Variants in GSDMD observed in about 807,000 individuals in gnomAD.
GSDMD encodes gasdermin D.
A neutral mutation model predicts 46.7 loss-of-function variants in GSDMD; 46 were observed. That is an observed-to-expected ratio of 0.99 (90% CI 0.78 to 1.26). The LOEUF is 1.26. Ranked by LOEUF, GSDMD falls within the 50% of genes most tolerant of loss-of-function variation. The probability of loss-of-function intolerance (pLI) is 0.00; values close to 1 mark genes in which losing one functional copy is unlikely to be tolerated. For missense variants in GSDMD, 649 were observed against 638.8 expected (o/e 1.02, Z -0.17); for synonymous variants, 307 against 283.1 (o/e 1.08, Z -0.85).
Position 143,561,829 on chromosome 8 carries a change from G to T in GSDMD, c.823+1G>T, listed in dbSNP as rs769398161. ...AGGTGCCTCCACAACTTCCTGACAG[G>T]TCAGTGCCCTCCTGACCGCCCCGGG... On this transcript the variant is annotated splice_donor_variant, in intron 7 of 10. Transcript: ENST00000262580. LOFTEE classifies it high-confidence loss of function. 7 of 1,610,842 alleles carry T rather than the reference G, an allele frequency of 4.3e-6. No homozygotes were observed. The South Asian group carries it at 7.7e-5, about 18-fold the overall frequency.
At chr8:143,556,202 C>G (rs1004702912), upstream of GSDMD, among the ~76,000 whole-genome samples, 12 of 151,442 alleles carry the variant, frequency 7.9e-5, no homozygotes, top group Non-Finnish European at 1.5e-5. Flanking sequence ...AAAAGAGCAA[C>G]ACTCCGTCTC....
chr8:143,561,227 C>A, intron 5 of GSDMD, 123 bp downstream of exon 5: 1 of 1,220,920 alleles, frequency 8.2e-7, no homozygotes, highest in Non-Finnish European at 1.2e-6. Context: ...CTGTGTCTGG[C>A]AGGTGGCTGA....
upstream of GSDMD, among the ~76,000 whole-genome samples, chr8:143,554,581 G>A (rs373295420): frequency 2.3e-4 from 33 of 142,622 alleles, no homozygotes; most frequent in East Asian, 5.0e-3. Flanking sequence ...CACACAACAC[G>A]CACGTGCATA....
Position 143,561,809 on chromosome 8 carries a change from C to T in GSDMD, c.804C>T (p.Cys268=), listed in dbSNP as rs1823468749. Residue 268 remains cysteine, a synonymous_variant, in exon 7 of 11, where the codon TGC becomes TGT. Transcript: ENST00000262580. ...CCTCTGGCCTCTCCATGATGAGGTG[C>T]CTCCACAACTTCCTGACAGGTCAGT... ...QLPSGLSMMR[C]LHNFLTDGVP... is the part of the protein sequence containing the mutation. The T allele has an allele frequency of 4.3e-6, 7 of 1,610,894 alleles. No homozygotes were observed. Among genetic ancestry groups the T allele is most frequent in the Non-Finnish European group, 5.9e-6 (7 of 1,178,972 alleles).
At position 143,558,394 on chromosome 8, in the gene GSDMD, G is replaced by T. The variant is rs900568949; in HGVS notation, c.-62G>T. On this transcript the variant is annotated 5_prime_UTR_variant, in exon 1 of 11. Transcript: ENST00000262580. ...CACCTCCAGCTCCTGCTCGCCGGACGGCTCCCAGGGAGAGCAGACGCGCCA... is the reference window on the plus strand; with the variant it reads ...CACCTCCAGCTCCTGCTCGCCGGACTGCTCCCAGGGAGAGCAGACGCGCCA... 2 of 1,515,854 alleles carry T rather than the reference G, an allele frequency of 1.3e-6. No homozygotes were observed. Among genetic ancestry groups the T allele is most frequent in the South Asian group, 2.4e-5 (2 of 82,778 alleles). The allele number at this position is 1,515,854 out of a possible 1,614,324, so 93.9% of individuals were successfully genotyped here. A position where few individuals can be genotyped will look rare whatever the true frequency, so the allele number is the denominator to read the frequency against.
rs557830594 is a variant in GSDMD, at chr8:143,562,293, G to A, written c.1081G>A (p.Gly361Arg). 29 of 1,551,264 alleles carry A rather than the reference G, an allele frequency of 1.9e-5. No homozygotes were observed. Among genetic ancestry groups the A allele is most frequent in the Middle Eastern group, 3.4e-4 (2 of 5,950 alleles). Residue 361 changes from glycine to arginine, a missense_variant, in exon 9 of 11, where the codon GGA becomes AGA. Gly to Arg is a moderately radical substitution (Grantham distance 125). Transcript: ENST00000262580. ...CCTGGAGTGCCTGGTGTTGTCCTCC[G>A]GAATGCTGGTGCCGGAACTCGCTAT... ...AVLECLVLSSGMLVPELAIPV... is the reference protein window; with the variant it reads ...AVLECLVLSSRMLVPELAIPV...
chr8:143,556,904 G>A (rs115188912), upstream of GSDMD, among the ~76,000 whole-genome samples: 2,462 of 152,334 alleles, frequency 0.016, 63 homozygotes, highest in African/African-American at 0.055. Context: ...GCAATTCTGT[G>A]GGTCTTAGCA....
chr8:143,562,845 A>G lies in GSDMD; in HGVS notation c.1396A>G (p.Met466Val). ...CTGGGAGCCGCAGGCCCAGGGCCGC[A>G]TGTGTGCACTCTACGCCTCCCTGGC... ...VCWEPQAQGR[M>V]CALYASLALL... Residue 466 changes from methionine (M) to valine (V), a missense_variant, in exon 11 of 11, where the codon ATG (methionine) becomes GTG (valine). Met to Val is a conservative substitution (Grantham distance 21). Coordinates refer to ENST00000262580, the MANE Select transcript of GSDMD (RefSeq NM_024736.7). 1 of 1,612,302 alleles carries G rather than the reference A, an allele frequency of 6.2e-7. No homozygotes were observed. Among genetic ancestry groups the G allele is most frequent in the African/African-American group, 1.3e-5 (1 of 75,030 alleles).
chr8:143,556,189 C>T (rs59335432), upstream of GSDMD, among the ~76,000 whole-genome samples: 1 of 151,656 alleles, frequency 6.6e-6, no homozygotes. Context: ...CCAGTCTGGG[C>T]AAAAAAGAGC....
Position 143,560,505 on chromosome 8 carries a change from C to G in GSDMD, c.411-98C>G, listed in dbSNP as rs1385258182. The G allele has an allele frequency of 3.7e-6, 5 of 1,340,570 alleles. No homozygotes were observed. The Admixed American group carries it at 1.2e-4, about 32-fold the overall frequency. The allele number at this position is 1,340,570 out of a possible 1,614,324, so 83.0% of individuals were successfully genotyped here. On this transcript the variant is annotated intron_variant, in intron 3 of 10. Coordinates refer to ENST00000262580, the MANE Select transcript of GSDMD (RefSeq NM_024736.7). The stretch of plus-strand genomic sequence containing the variant: ...GGCACCCACAGACCTCTGGAGGGCC[C>G]CTCTGCACCACCTCCCCCGGTGGCG...
Position 143,558,380 on chromosome 8 carries a change from C to T in GSDMD, c.-76C>T. ...CTTTTAGCTCTGGGCACCTCCAGCT[C>T]CTGCTCGCCGGACGGCTCCCAGGGA... On this transcript the variant is annotated 5_prime_UTR_variant, in exon 1 of 11. Transcript: ENST00000262580. 1.3e-6 allele frequency: 2 copies of T among 1,519,632 alleles called. No homozygotes were observed. Among genetic ancestry groups the T allele is most frequent in the Non-Finnish European group, 1.8e-6 (2 of 1,140,272 alleles). 94.1% of individuals were successfully genotyped at this position (1,519,632 alleles called of 1,614,324 possible). A position where few individuals can be genotyped will look rare whatever the true frequency, so the allele number is the denominator to read the frequency against.
chr8:143,561,418 C>G lies in GSDMD; in HGVS notation c.731C>G (p.Ala244Gly). Residue 244 changes from alanine to glycine, a missense_variant, in exon 6 of 11, where the codon GCG becomes GGG. Ala to Gly is a moderately conservative substitution (Grantham distance 60). Transcript: ENST00000262580. ...DKKQRTFQPP[A>G]TGHKRSTSEG... ...AAGCAGAGGACCTTCCAGCCACCCGCGACAGGTGAGAGCCGAGAGCCCCCA... is the reference window on the plus strand; with the variant it reads ...AAGCAGAGGACCTTCCAGCCACCCGGGACAGGTGAGAGCCGAGAGCCCCCA... 6.2e-7 allele frequency: 1 copy of G among 1,611,286 alleles called. No homozygotes were observed. Among genetic ancestry groups the G allele is most frequent in the Non-Finnish European group, 8.5e-7 (1 of 1,179,428 alleles).
At chr8:143,556,340 A>G (rs554293235), upstream of GSDMD, among the ~76,000 whole-genome samples, 1 of 152,332 alleles carries the variant, frequency 6.6e-6, no homozygotes, top group Non-Finnish European at 1.5e-5. Flanking sequence ...AGATCACGCC[A>G]CTGCACTCCA....
intron 3 of GSDMD, 27 bp downstream of exon 3, chr8:143,559,996 C>T: frequency 6.3e-7 from 1 of 1,597,344 alleles, no homozygotes; most frequent in Non-Finnish European, 8.6e-7. Context: ...CAGGGCAGGG[C>T]AGGGCCCCAC....
chr8:143,559,297 G>GGCCCC, intron 1 of GSDMD, 35 bp from the exon 2 acceptor site: 1 of 289,494 alleles, frequency 3.5e-6, no homozygotes, highest in Non-Finnish European at 6.7e-6. Context: ...CGCCCGCCCC[G>GGCCCC]AGAGCACAAT....
At chr8:143,557,424 A>C (rs988466323), upstream of GSDMD, among the ~76,000 whole-genome samples, 1,439 of 73,758 alleles carry the variant, frequency 0.02, no homozygotes, top group East Asian at 0.035. Flanking sequence ...GCTGTGGCGA[A>C]GGATGCTGCC....
chr8:143,558,230 A>ACGCGCGAGGCTGGTGCTCCAGG, upstream of GSDMD: 1 of 1,254,760 alleles, frequency 8.0e-7, no homozygotes, highest in African/African-American at 1.6e-5. Flanking sequence ...GTTCCTCCGG[A>ACGCGCGAGGCTGGTGCTCCAGG]CGCGCGAGGC....
rs947708418 is a variant in GSDMD, at chr8:143,559,936, A to C, written c.377A>C (p.Asp126Ala). Reference sequence around the variant, plus strand: ...ATGAATGTGTACTCGCTGAGTGTGGACCCTAACACCTGGCAGACTCTGCTC... The same window carrying C: ...ATGAATGTGTACTCGCTGAGTGTGGCCCCTAACACCTGGCAGACTCTGCTC... ...TSMNVYSLSV[D>A]PNTWQTLLHE... Residue 126 changes from aspartate to alanine, a missense_variant, in exon 3 of 11, where the codon GAC becomes GCC. Asp to Ala is a moderately radical substitution (Grantham distance 126, BLOSUM62 -2). Coordinates refer to ENST00000262580, the MANE Select transcript of GSDMD (RefSeq NM_024736.7). The C allele has an allele frequency of 2.5e-6, 4 of 1,612,624 alleles. No homozygotes were observed. Among genetic ancestry groups the C allele is most frequent in the Non-Finnish European group, 3.4e-6 (4 of 1,179,894 alleles).
At position 143,561,971 on chromosome 8, in the gene GSDMD, C is replaced by T. The variant is rs528160284; in HGVS notation, c.836C>T (p.Ala279Val). 2.1e-5 allele frequency: 34 copies of T among 1,608,112 alleles called. No individual in the cohort carries two copies. The African/African-American group carries it at 2.8e-4, about 13-fold the overall frequency. ...TCTGTCCCTACAGATGGGGTCCCTGCGGAGGGGGCGTTCACTGAAGACTTC... is the reference window on the plus strand; with the variant it reads ...TCTGTCCCTACAGATGGGGTCCCTGTGGAGGGGGCGTTCACTGAAGACTTC... ...LHNFLTDGVP[A>V]EGAFTEDFQG... is the part of the protein sequence containing the mutation. Residue 279 changes from alanine (A) to valine (V), a missense_variant, in exon 8 of 11, where the codon GCG becomes GTG. Ala to Val is a moderately conservative substitution (Grantham distance 64, BLOSUM62 0). Coordinates refer to ENST00000262580, the MANE Select transcript of GSDMD (RefSeq NM_024736.7).
Sources: gnomAD v4.1 joint callset for allele counts (sites outside exome capture counted in the v4.1 genomes callset) on GRCh38, gnomAD v4.1.1 for gene constraint, MANE v1.5 for transcripts, NCBI Gene and HGNC (gene_info 2026-07-23, HGNC 2026-07-21) for gene names.